CSRNP1: variants seen among roughly 807,000 people sequenced by gnomAD.
CSRNP1 encodes cysteine/serine-rich nuclear protein 1.
Under a neutral mutation model 25.0 loss-of-function variants are expected in CSRNP1, and 8 were observed. That is an observed-to-expected ratio of 0.32 (90% CI 0.19 to 0.58). The LOEUF is 0.58. Ranked by LOEUF, CSRNP1 falls within the 20% of genes least tolerant of loss-of-function variation. CSRNP1 has a pLI of 0.88. For missense variants in CSRNP1, 691 were observed against 773.1 expected, an observed-to-expected ratio of 0.89 and a Z score of 1.26; for synonymous variants, 305 against 303.1, an observed-to-expected ratio of 1.01 and a Z score of -0.06.
chr3:39,145,784 G>GT (rs2039499911), intron 2 of CSRNP1, among the ~76,000 whole-genome samples: 1 of 152,096 alleles, frequency 6.6e-6, no homozygotes, highest in Non-Finnish European at 1.5e-5. Context: ...CCTTCTAAAA[G>GT]GTTTTCTGTT....
chr3:39,143,702 G>A lies in CSRNP1; in HGVS notation c.1123C>T (p.Pro375Ser), dbSNP rs779358892. 9.3e-6 allele frequency: 15 copies of A among 1,614,246 alleles called. No homozygotes were observed. The highest frequency in any genetic ancestry group is 2.2e-5 in the East Asian group (1 of 44,884). The change falls in exon 5 of 5, where the codon CCA (proline) becomes TCA (serine). Residue 375 changes from proline (P) to serine (S), a missense_variant. Physicochemically the swap from Pro to Ser is moderately conservative, Grantham distance 74. Coordinates refer to ENST00000273153, the MANE Select transcript of CSRNP1 (RefSeq NM_033027.4). ...TGGAAGCCAGGGCCAGGCAGGCCTGGGTGGGTGGGGCAGTCAGGAGCCTCA... is the reference window on the plus strand; with the variant it reads ...TGGAAGCCAGGGCCAGGCAGGCCTGAGTGGGTGGGGCAGTCAGGAGCCTCA... ...TSEAPDCPTH[P>S]GLPGPGFQPG... is the part of the protein sequence containing the mutation.
intron 1 of CSRNP1, 91 bp from the exon 2 acceptor site, chr3:39,146,813 A>C (rs2039520278): frequency 2.0e-6 from 3 of 1,469,958 alleles, no homozygotes; most frequent in Non-Finnish European, 2.7e-6. Flanking sequence ...CTTACCCTCC[A>C]AGGCATCCCA....
Position 39,142,976 on chromosome 3 carries a change from T to TA in CSRNP1, c.*78dup. The TA allele has an allele frequency of 6.7e-7, 1 of 1,488,616 alleles. No homozygotes were observed. Among genetic ancestry groups the TA allele is most frequent in the Non-Finnish European group, 9.0e-7 (1 of 1,109,754 alleles). The allele number at this position is 1,488,616 out of a possible 1,614,324, so 92.2% of individuals were successfully genotyped here. Reference sequence around the variant, plus strand: ...GGTGAGCCAGCCAGTGGGAGACTGTTACGCAGACTCTGGGGAGCCCCATAA... The same window carrying TA: ...GGTGAGCCAGCCAGTGGGAGACTGTTAACGCAGACTCTGGGGAGCCCCATAA... On this transcript the variant is annotated 3_prime_UTR_variant, in exon 5 of 5. Coordinates refer to ENST00000273153, the MANE Select transcript of CSRNP1 (RefSeq NM_033027.4).
At chr3:39,145,562 T>C (rs957374075) in intron 2 of CSRNP1, among the ~76,000 whole-genome samples, 7 of 152,302 alleles carry the variant, frequency 4.6e-5, no homozygotes, top group African/African-American at 1.7e-4. Context: ...AGTTTTCTAT[T>C]GTTTTTTATT....
In CSRNP1 at chr3:39,142,704, G is replaced by A. The variant is rs866831466; in HGVS notation, c.*351C>T. 31 of 192,536 alleles carry A rather than the reference G, an allele frequency of 1.6e-4. No individual in the cohort carries two copies. The highest frequency in any genetic ancestry group is 2.1e-3 in the Middle Eastern group (1 of 468). 11.9% of individuals were successfully genotyped at this position (192,536 alleles called of 1,614,324 possible). A position where few individuals can be genotyped will look rare whatever the true frequency, so the allele number is the denominator to read the frequency against. The stretch of plus-strand genomic sequence containing the variant: ...CACCTGATTTCAGCCCTGTCTCACC[G>A]TCTTTGGGCTAAGGAACATCACGCA... On this transcript the variant is annotated 3_prime_UTR_variant, in exon 5 of 5. Transcript: ENST00000273153.
Position 39,144,030 on chromosome 3 carries a change from T to A in CSRNP1, c.795A>T (p.Ala265=), listed in dbSNP as rs866958090. ...AGIKCQMDHT[A]FPCGCCREGC... The stretch of plus-strand genomic sequence containing the variant: ...CCTCCCTGCAGCAGCCACAGGGGAA[T>A]GCTGTGTGGTCCATCTGCAGAGAAA... Residue 265 remains alanine (A), a synonymous_variant, in exon 5 of 5, where the codon GCA becomes GCT. Transcript: ENST00000273153. 1 of 1,611,918 alleles carries A rather than the reference T, an allele frequency of 6.2e-7. No individual in the cohort carries two copies. Among genetic ancestry groups the A allele is most frequent in the Admixed American group, 1.7e-5 (1 of 60,022 alleles).
At position 39,143,590 on chromosome 3, in the gene CSRNP1, C is replaced by G; in HGVS notation, c.1235G>C (p.Gly412Ala). ...GAGGTTGTCCAGGTTCCCCACGCTC[C>G]CTTCCTCCTCTTCCTCCTCCTCCCC... ...FGGEEEEEEE[G>A]SVGNLDNLSC... The change falls in exon 5 of 5, where the codon GGG becomes GCG. Residue 412 changes from glycine (G) to alanine (A), a missense_variant. Coordinates refer to ENST00000273153, the MANE Select transcript of CSRNP1 (RefSeq NM_033027.4). The G allele has an allele frequency of 6.2e-7, 1 of 1,614,044 alleles. No individual in the cohort carries two copies. The highest frequency in any genetic ancestry group is 1.1e-5 in the South Asian group (1 of 91,080).
intron 1 of CSRNP1, among the ~76,000 whole-genome samples, chr3:39,147,211 C>CTGTGTGTGTGTGTGTGTGTGTGTGTG (rs10679310): frequency 6.7e-6 from 1 of 148,454 alleles, no homozygotes. Context: ...ATCTGTGTGC[C>CTGTGTGTGTGTGTGTGTGTGTGTGTG]TGTGTGTGTG....
rs75077431 is a variant in CSRNP1, at chr3:39,147,677, A to G, written c.-40-955T>C. ...CCAAGTGAGAGTCTCAGCCCTCAGC[A>G]GAAGCATAACCAGAGACTCCCACAG... On this transcript the variant is annotated intron_variant, in intron 1 of 4. Transcript: ENST00000273153. 5.4e-3 allele frequency among the ~76,000 whole-genome samples: 828 copies of G among 152,164 alleles called. 8 individuals are homozygous for G. The highest frequency in any genetic ancestry group is 0.018 in the African/African-American group (744 of 41,476).
chr3:39,145,076 G>C lies in CSRNP1; in HGVS notation c.386C>G (p.Ala129Gly). The C allele has an allele frequency of 6.2e-7, 1 of 1,614,248 alleles. No individual in the cohort carries two copies. Among genetic ancestry groups the C allele is most frequent in the Non-Finnish European group, 8.5e-7 (1 of 1,180,034 alleles). ...ACRRFSLAEF[A>G]QEQARARHEK... Reference sequence around the variant, plus strand: ...GTGCCGTGCACGGGCTTGCTCCTGCGCAAACTCAGCCAAAGAGAAGCGACG... The same window carrying C: ...GTGCCGTGCACGGGCTTGCTCCTGCCCAAACTCAGCCAAAGAGAAGCGACG... The change falls in exon 3 of 5, where the codon GCG becomes GGG. Residue 129 changes from alanine (A) to glycine (G), a missense_variant. Coordinates refer to ENST00000273153, the MANE Select transcript of CSRNP1 (RefSeq NM_033027.4).
At position 39,152,029 on chromosome 3, in the gene CSRNP1, C is replaced by T. The variant is rs190935259; in HGVS notation, c.-41+1409G>A. The T allele has an allele frequency of 4.1e-3, 625 of 152,498 alleles. 1 individual carries two copies. The highest frequency in any genetic ancestry group is 5.5e-3 in the Non-Finnish European group (374 of 68,098). 9.4% of individuals were successfully genotyped at this position (152,498 alleles called of 1,614,324 possible). ...TGCCAAACACTGTGGCAGGCACTCG[C>T]GCATGCAGGGAGCAAGACTTATACA... On this transcript the variant is annotated intron_variant, in intron 1 of 4. Transcript: ENST00000273153.
Position 39,145,237 on chromosome 3 carries a change from C to T in CSRNP1, c.225G>A (p.Arg75=), listed in dbSNP as rs784517. The T allele has an allele frequency of 0.56, 901,283 of 1,602,312 alleles. 260,435 individuals are homozygous for T. The highest frequency in any genetic ancestry group is 0.6 in the Admixed American group (35,766 of 59,198). The part of the protein sequence containing the change: ...RSFTPLSILK[R]ARRERPGRVA... The stretch of plus-strand genomic sequence containing the variant: ...CACGGCCTGGGCGCTCCCGGCGAGC[C>T]CGCTTCAGGATAGACAGGGCTAGAA... The change falls in exon 3 of 5, where the codon CGG becomes CGA. Residue 75 remains arginine, a synonymous_variant. Coordinates refer to ENST00000273153, the MANE Select transcript of CSRNP1 (RefSeq NM_033027.4).
rs115998340 is a variant in CSRNP1, at chr3:39,148,058, G to A, written c.-40-1336C>T. The stretch of plus-strand genomic sequence containing the variant: ...CTTCCCAGCCGCCTACAAAGTCCCC[G>A]AATCCTGTAGAGTTTGCTGTCAACC... On this transcript the variant is annotated intron_variant, in intron 1 of 4. Coordinates refer to ENST00000273153, the MANE Select transcript of CSRNP1 (RefSeq NM_033027.4). Among the ~76,000 whole-genome samples the A allele has an allele frequency of 4.9e-3, 740 of 152,206 alleles. 11 individuals are homozygous for A. Among genetic ancestry groups the A allele is most frequent in the African/African-American group, 0.016 (668 of 41,494 alleles).
Position 39,146,620 on chromosome 3 carries a change from G to A in CSRNP1, c.63C>T (p.Ser21=). The A allele has an allele frequency of 6.4e-7, 1 of 1,572,754 alleles. No homozygotes were observed. The change falls in exon 2 of 5, where the codon TCC becomes TCT. Residue 21 remains serine (S), a synonymous_variant. Coordinates refer to ENST00000273153, the MANE Select transcript of CSRNP1 (RefSeq NM_033027.4). ...QLDEDNSSVS[S]SSSSSGCQSR... Reference sequence around the variant, plus strand: ...ACTGGCACCCAGAGGAAGAGGAGGAGGAGGAGACCGAGGAGTTGTCCTCAT... The same window carrying A: ...ACTGGCACCCAGAGGAAGAGGAGGAAGAGGAGACCGAGGAGTTGTCCTCAT...
In CSRNP1 at chr3:39,143,738, A is replaced by G; in HGVS notation, c.1087T>C (p.Ser363Pro). 1.9e-6 allele frequency: 3 copies of G among 1,614,106 alleles called. No homozygotes were observed. In the Admixed American group the frequency reaches 5.0e-5, roughly 27 times the overall value. ...CAGTCAGGAGCCTCACTAGTGCCCG[A>G]TGCTGATGAAGATGCTGTAGAAGAA... Reference protein sequence around the residue: ...TDSSTASSSASGTSEAPDCPT... With the variant: ...TDSSTASSSAPGTSEAPDCPT... Residue 363 changes from serine (S) to proline (P), a missense_variant, in exon 5 of 5, where the codon TCG becomes CCG. Coordinates refer to ENST00000273153, the MANE Select transcript of CSRNP1 (RefSeq NM_033027.4).
upstream of CSRNP1, chr3:39,154,422 C>T (rs751904645): frequency 3.3e-5 from 5 of 152,346 alleles, no homozygotes; most frequent in Admixed American, 6.5e-5. Context: ...ACGACATGCC[C>T]CGGCAACCAA....
At chr3:39,144,643 AAG>A (rs1455918677) in intron 3 of CSRNP1, among the ~76,000 whole-genome samples, 192 bp from the exon 4 acceptor site, 2 of 152,056 alleles carry the variant, frequency 1.3e-5, no homozygotes, top group Admixed American at 6.5e-5. Context: ...AAAAAAAAAA[AAG>A]AGATATCCTA....
In CSRNP1 at chr3:39,143,981, C is replaced by T. The variant is rs1575575501; in HGVS notation, c.844G>A (p.Val282Met). The T allele has an allele frequency of 1.2e-6, 2 of 1,614,008 alleles. No individual in the cohort carries two copies. The highest frequency in any genetic ancestry group is 1.3e-5 in the African/African-American group (1 of 75,050). The part of the protein sequence containing the change: ...REGCENPMGR[V>M]EFNQARVQTH... ...TGAACTCTTGCCTGATTAAATTCCA[C>T]ACGGCCCATGGGGTTCTCACAGCCC... is the stretch of plus-strand genomic sequence containing the variant. Residue 282 changes from valine to methionine, a missense_variant, in exon 5 of 5, where the codon GTG (valine) becomes ATG (methionine). Coordinates refer to ENST00000273153, the MANE Select transcript of CSRNP1 (RefSeq NM_033027.4).
At position 39,144,465 on chromosome 3, in the gene CSRNP1, A is replaced by T. The variant is rs773946995; in HGVS notation, c.466-14T>A. 2.0e-5 allele frequency: 31 copies of T among 1,589,646 alleles called. No individual in the cohort carries two copies. The South Asian group carries it at 3.5e-4, about 18-fold the overall frequency. ...AGCTGCCGAAAGCTGCATCCACAGG[A>T]AAGAGGGATGTAAGAAGCACAGACA... On this transcript the variant is annotated splice_polypyrimidine_tract_variant and intron_variant, in intron 3 of 4. Coordinates refer to ENST00000273153, the MANE Select transcript of CSRNP1 (RefSeq NM_033027.4).
Sources: allele counts gnomAD v4.1 joint callset (sites outside exome capture counted in the v4.1 genomes callset), GRCh38; gene constraint gnomAD v4.1.1; transcripts MANE v1.5; gene names NCBI Gene and HGNC (gene_info 2026-07-23, HGNC 2026-07-21).